Variants in FAM53B observed in about 807,000 individuals in gnomAD.
FAM53B encodes family with sequence similarity 53 member B, also known as protein FAM53B.
Under a neutral mutation model 32.7 loss-of-function variants are expected in FAM53B, and 12 were observed. That is an observed-to-expected ratio of 0.37 (90% CI 0.24 to 0.59). The LOEUF is 0.59. Among genes scored for constraint, FAM53B ranks in the 20% least tolerant of loss-of-function variants. The probability of loss-of-function intolerance (pLI) is 0.72; values close to 1 mark genes in which losing one functional copy is unlikely to be tolerated. For synonymous variants in FAM53B, 234 were observed against 228.7 expected (o/e 1.02, Z -0.21); for missense variants, 477 against 577.7 (o/e 0.83, Z 1.79).
chr10:124,738,136 T>A (rs1950182493), intron 1 of FAM53B, among the ~76,000 whole-genome samples: 1 of 151,552 alleles, frequency 6.6e-6, no homozygotes, highest in South Asian at 2.1e-4. Context: ...TGCCAATAGG[T>A]TTGCTCCGCT....
At chr10:124,713,079 C>G (rs1288888070) in intron 1 of FAM53B, among the ~76,000 whole-genome samples, 1 of 152,208 alleles carries the variant, frequency 6.6e-6, no homozygotes, top group Non-Finnish European at 1.5e-5. Flanking sequence ...ATCTCCACCC[C>G]CATGTGCCCC....
At chr10:124,743,646 T>C (rs1377555261) in intron 1 of FAM53B, among the ~76,000 whole-genome samples, 3 of 151,180 alleles carry the variant, frequency 2.0e-5, no homozygotes, top group East Asian at 2.0e-4. Flanking sequence ...AGGGCTCAAG[T>C]TGAGACGCGG....
chr10:124,714,758 C>CAAAAAAA (rs71484584), intron 1 of FAM53B, among the ~76,000 whole-genome samples: 6 of 90,846 alleles, frequency 6.6e-5, no homozygotes, highest in Non-Finnish European at 1.0e-4. Context: ...GACTCCACCT[C>CAAAAAAA]AAAAAAAAAA....
intron 1 of FAM53B, among the ~76,000 whole-genome samples, chr10:124,739,970 A>C (rs761429133): frequency 6.6e-6 from 1 of 152,198 alleles, no homozygotes; most frequent in African/African-American, 2.4e-5. Flanking sequence ...AACAAACAAA[A>C]AAAACGACAA....
At position 124,672,191 on chromosome 10, in the gene FAM53B, G is replaced by A. The variant is rs928808991; in HGVS notation, c.906+9416C>T. Among the ~76,000 whole-genome samples, 24 of 152,270 alleles carry A rather than the reference G, an allele frequency of 1.6e-4. 1 individual carries two copies. Among genetic ancestry groups the A allele is most frequent in the African/African-American group, 4.8e-4 (20 of 41,476 alleles). On this transcript the variant is annotated intron_variant, in intron 4 of 4. Coordinates refer to ENST00000337318, the MANE Select transcript of FAM53B (RefSeq NM_014661.4). Reference sequence around the variant, plus strand: ...AAAGGGCAGCAGCCTGCATGGTGTCGGGAAAAGGCCCGGTCAGGCACCAGC... The same window carrying A: ...AAAGGGCAGCAGCCTGCATGGTGTCAGGAAAAGGCCCGGTCAGGCACCAGC...
chr10:124,627,103 A>G (rs1042753177), intron 4 of FAM53B, among the ~76,000 whole-genome samples: 1 of 152,232 alleles, frequency 6.6e-6, no homozygotes, highest in South Asian at 2.1e-4. Context: ...TTTCAGCCAC[A>G]GTAAAAGAAA....
intron 3 of FAM53B, among the ~76,000 whole-genome samples, chr10:124,687,616 T>A (rs1949810487): frequency 6.6e-6 from 1 of 152,192 alleles, no homozygotes; most frequent in South Asian, 2.1e-4. Context: ...CCGGCTGGAA[T>A]GGAAACCTGG....
chr10:124,677,014 T>C (rs774183037), intron 4 of FAM53B, among the ~76,000 whole-genome samples: 6 of 152,190 alleles, frequency 3.9e-5, no homozygotes, highest in Non-Finnish European at 7.3e-5. Flanking sequence ...TTGCTTCTGT[T>C]TGAAGCACTG....
At chr10:124,697,462 C>T (rs1949881254) in intron 2 of FAM53B, among the ~76,000 whole-genome samples, 1 of 152,130 alleles carries the variant, frequency 6.6e-6, no homozygotes, top group Admixed American at 6.5e-5. Flanking sequence ...AAGCACCTGG[C>T]ACCAGCTCCC....
chr10:124,667,483 C>T (rs1949680012), intron 4 of FAM53B: 1 of 732,958 alleles, frequency 1.4e-6, no homozygotes, highest in South Asian at 1.5e-5. Flanking sequence ...CACCTGCCAA[C>T]AGTCAGCAGC....
At chr10:124,685,044 G>A (rs1949794028) in intron 3 of FAM53B, among the ~76,000 whole-genome samples, 1 of 152,212 alleles carries the variant, frequency 6.6e-6, no homozygotes, top group Non-Finnish European at 1.5e-5. Context: ...GGAGCATGAA[G>A]AAGCAGAGTT....
At chr10:124,701,980 C>T (rs1949917271) in intron 2 of FAM53B, among the ~76,000 whole-genome samples, 1 of 152,184 alleles carries the variant, frequency 6.6e-6, no homozygotes, top group Non-Finnish European at 1.5e-5. Flanking sequence ...ACCGAGTCCT[C>T]ACACCCCTCA....
At chr10:124,737,672 C>A (rs1312607260) in intron 1 of FAM53B, among the ~76,000 whole-genome samples, 1 of 152,126 alleles carries the variant, frequency 6.6e-6, no homozygotes, top group East Asian at 1.9e-4. Context: ...TCTCCAAGCC[C>A]CCTGGCCATT....
intron 1 of FAM53B, among the ~76,000 whole-genome samples, chr10:124,717,966 CCAGT>C (rs1339289311): frequency 3.3e-5 from 5 of 152,284 alleles, no homozygotes; most frequent in Admixed American, 6.5e-5. Flanking sequence ...CGGTGCAGCT[CCAGT>C]CACTCAGCAG....
intron 4 of FAM53B, among the ~76,000 whole-genome samples, chr10:124,635,381 T>A (rs548842936): frequency 6.6e-6 from 1 of 152,168 alleles, no homozygotes; most frequent in Non-Finnish European, 1.5e-5. Flanking sequence ...GCCACCACGC[T>A]CGGCCGACAC....
At chr10:124,708,422 A>G (rs1949976130) in intron 1 of FAM53B, among the ~76,000 whole-genome samples, 2 of 152,216 alleles carry the variant, frequency 1.3e-5, no homozygotes, top group Non-Finnish European at 2.9e-5. Flanking sequence ...AAATCAATAC[A>G]TGTTCAGGAA....
chr10:124,683,903 A>G (rs1476649809), intron 3 of FAM53B, among the ~76,000 whole-genome samples: 1 of 152,250 alleles, frequency 6.6e-6, no homozygotes, highest in African/African-American at 2.4e-5. Context: ...ACCCCAGCTG[A>G]GCGTCACAAG....
At chr10:124,640,309 C>T (rs1041963536) in intron 4 of FAM53B, among the ~76,000 whole-genome samples, 2 of 152,210 alleles carry the variant, frequency 1.3e-5, no homozygotes, top group Non-Finnish European at 2.9e-5. Flanking sequence ...CACAGCTCTG[C>T]GCGGCAGGTT....
At chr10:124,743,184 G>C (rs1163841371) in intron 1 of FAM53B, among the ~76,000 whole-genome samples, 1 of 152,094 alleles carries the variant, frequency 6.6e-6, no homozygotes, top group East Asian at 1.9e-4. Flanking sequence ...ACACACTTGG[G>C]ACAACACAAA....
Sources: gnomAD v4.1 joint callset for allele counts (sites outside exome capture counted in the v4.1 genomes callset) on GRCh38, gnomAD v4.1.1 for gene constraint, MANE v1.5 for transcripts, NCBI Gene and HGNC (gene_info 2026-07-23, HGNC 2026-07-21) for gene names.